ELOVL4: variants seen among roughly 807,000 people sequenced by gnomAD.
The protein encoded by ELOVL4 is ELOVL fatty acid elongase 4, also known as very long chain fatty acid elongase 4.
In ELOVL4, 18 loss-of-function variants were observed where a neutral mutation model predicts 42.1. That is an observed-to-expected ratio of 0.43 (90% CI 0.30 to 0.63). The LOEUF is 0.63. Among genes scored for constraint, ELOVL4 ranks in the 30% least tolerant of loss-of-function variants. ELOVL4 has a pLI of 0.15. For synonymous variants in ELOVL4, 117 were observed against 127.0 expected, an observed-to-expected ratio of 0.92 and a Z score of 0.53; for missense variants, 299 against 376.2, an observed-to-expected ratio of 0.79 and a Z score of 1.70.
Position 79,914,819 on chromosome 6 carries a change from C to A in ELOVL4, c.*1789G>T, listed in dbSNP as rs1023238959. ...ATTAACAAAAAAAAATCATATTTTT[C>A]CCACAGCAGAAGTATATTTATTGTG... is the stretch of plus-strand genomic sequence containing the variant. On this transcript the variant is annotated 3_prime_UTR_variant, in exon 6 of 6. Coordinates refer to ENST00000369816, the MANE Select transcript of ELOVL4 (RefSeq NM_022726.4). 2.0e-5 allele frequency: 3 copies of A among 152,402 alleles called. No individual in the cohort carries two copies. The highest frequency in any genetic ancestry group is 6.6e-5 in the Admixed American group (1 of 15,242). 9.4% of individuals were successfully genotyped at this position (152,402 alleles called of 1,614,324 possible). A position where few individuals can be genotyped will look rare whatever the true frequency, so the allele number is the denominator to read the frequency against.
chr6:79,922,721 T>C (rs762228472), intron 3 of ELOVL4, among the ~76,000 whole-genome samples: 5 of 152,184 alleles, frequency 3.3e-5, no homozygotes, highest in Non-Finnish European at 7.4e-5. Flanking sequence ...TGTTTTAGAG[T>C]TGAAGGATCC....
intron 5 of ELOVL4, among the ~76,000 whole-genome samples, chr6:79,917,839 A>G (rs1478847093): frequency 6.6e-6 from 1 of 152,210 alleles, no homozygotes; most frequent in Non-Finnish European, 1.5e-5. Context: ...GAAAAAAATA[A>G]TATTTGGATA....
intron 3 of ELOVL4, 50 bp downstream of exon 3, chr6:79,924,902 A>C (rs764834653): frequency 8.5e-7 from 1 of 1,172,906 alleles, no homozygotes; most frequent in Non-Finnish European, 1.3e-6. Flanking sequence ...ACTGGGGCCT[A>C]TAAAAATCAA....
chr6:79,942,630 T>C (rs547388156), intron 1 of ELOVL4, among the ~76,000 whole-genome samples: 1 of 152,350 alleles, frequency 6.6e-6, no homozygotes, highest in South Asian at 2.1e-4. Context: ...CCATCTGATA[T>C]AATTATCTGC....
intron 1 of ELOVL4, among the ~76,000 whole-genome samples, chr6:79,930,217 T>G (rs1182484761): frequency 6.6e-6 from 1 of 152,230 alleles, no homozygotes; most frequent in Non-Finnish European, 1.5e-5. Flanking sequence ...TGCCCAACAA[T>G]GCAAGGCATG....
At chr6:79,931,403 T>A (rs150951275) in intron 1 of ELOVL4, among the ~76,000 whole-genome samples, 18 of 152,346 alleles carry the variant, frequency 1.2e-4, no homozygotes, top group African/African-American at 4.1e-4. Flanking sequence ...GAGCCTCATG[T>A]AACCTAGCAG....
chr6:79,940,386 T>C (rs1044321901), intron 1 of ELOVL4, among the ~76,000 whole-genome samples: 2 of 152,240 alleles, frequency 1.3e-5, no homozygotes, highest in Non-Finnish European at 2.9e-5. Flanking sequence ...GTATTTTGAT[T>C]AGTTAAGGAA....
At chr6:79,941,942 C>G (rs1331941972) in intron 1 of ELOVL4, among the ~76,000 whole-genome samples, 2 of 152,156 alleles carry the variant, frequency 1.3e-5, no homozygotes, top group Non-Finnish European at 2.9e-5. Context: ...AGGAATGGCA[C>G]AGGAAATACG....
intron 1 of ELOVL4, among the ~76,000 whole-genome samples, chr6:79,929,742 A>C (rs542653837): frequency 6.6e-6 from 1 of 152,300 alleles, no homozygotes; most frequent in South Asian, 2.1e-4. Context: ...GGATCAAGAA[A>C]ATTTTAACTG....
In ELOVL4 at chr6:79,916,598, CCAG is replaced by C; in HGVS notation, c.*7_*9del. On this transcript the variant is annotated 3_prime_UTR_variant, in exon 6 of 6. Transcript: ENST00000369816. ...CCTCACTGTCAACAACAGTTAAGGC[CCAG>C]TTCAATTTAATCTCCTTTTGCTTTT... 3 of 1,613,310 alleles carry C rather than the reference CCAG, an allele frequency of 1.9e-6. No individual in the cohort carries two copies. The highest frequency in any genetic ancestry group is 2.5e-6 in the Non-Finnish European group (3 of 1,179,972).
At chr6:79,934,580 C>T (rs946348404) in intron 1 of ELOVL4, among the ~76,000 whole-genome samples, 1 of 152,120 alleles carries the variant, frequency 6.6e-6, no homozygotes, top group Non-Finnish European at 1.5e-5. Context: ...AGCCCCTCCC[C>T]TTAAAAGTCA....
At chr6:79,938,435 A>T (rs1774585576) in intron 1 of ELOVL4, among the ~76,000 whole-genome samples, 1 of 152,062 alleles carries the variant, frequency 6.6e-6, no homozygotes, top group Admixed American at 6.5e-5. Flanking sequence ...TATAAGTTGA[A>T]TAGCCACTGG....
rs968130882 is a variant in ELOVL4 at position 79,915,337 on chromosome 6, T to G, written c.*1271A>C. 6.6e-6 allele frequency: 1 copy of G among 152,600 alleles called. No individual in the cohort carries two copies. The highest frequency in any genetic ancestry group is 1.5e-5 in the Non-Finnish European group (1 of 67,990). The allele number at this position is 152,600 out of a possible 1,614,324, so 9.5% of individuals were successfully genotyped here. The stretch of plus-strand genomic sequence containing the variant: ...AATTGAATGTTATAGTTCTGACTAC[T>G]CTCACTTTTATTCATTTTGTGTTTT... On this transcript the variant is annotated 3_prime_UTR_variant, in exon 6 of 6. Coordinates refer to ENST00000369816, the MANE Select transcript of ELOVL4 (RefSeq NM_022726.4).
chr6:79,926,084 G>T, intron 2 of ELOVL4, 110 bp downstream of exon 2: 1 of 940,048 alleles, frequency 1.1e-6, no homozygotes. Flanking sequence ...TACTTTTAGA[G>T]TAGCTAACAG....
At position 79,916,656 on chromosome 6, in the gene ELOVL4, C is replaced by T; in HGVS notation, c.897G>A (p.Met299Ile). The part of the protein sequence containing the change: ...NGVSKSEKQL[M>I]IENGKKQKNG... ...TTTTCTGCTTTTTTCCATTTTCTAT[C>T]ATGAGTTGTTTTTCTGATTTGCTCA... The change falls in exon 6 of 6, where the codon ATG becomes ATA. Residue 299 changes from methionine to isoleucine, a missense_variant. Physicochemically the swap from Met to Ile is conservative, Grantham distance 10. Coordinates refer to ENST00000369816, the MANE Select transcript of ELOVL4 (RefSeq NM_022726.4). The T allele has an allele frequency of 3.7e-6, 6 of 1,614,126 alleles. No individual in the cohort carries two copies. Among genetic ancestry groups the T allele is most frequent in the African/African-American group, 1.3e-5 (1 of 75,034 alleles).
chr6:79,947,115 C>A (rs987941441), intron 1 of ELOVL4, 65 bp downstream of exon 1: 17 of 1,361,126 alleles, frequency 1.2e-5, no homozygotes, highest in Middle Eastern at 3.9e-4. Context: ...CCGGGAGCTG[C>A]GAGACCAGGG....
chr6:79,941,291 C>A (rs1774640829), intron 1 of ELOVL4, among the ~76,000 whole-genome samples: 1 of 152,142 alleles, frequency 6.6e-6, no homozygotes, highest in South Asian at 2.1e-4. Context: ...ACTCTCATAG[C>A]AAATCAGCAG....
Position 79,947,273 on chromosome 6 carries a change from G to A in ELOVL4, c.7C>T (p.Leu3Phe), listed in dbSNP as rs774532691. 1.9e-6 allele frequency: 3 copies of A among 1,612,118 alleles called. No homozygotes were observed. Among genetic ancestry groups the A allele is most frequent in the South Asian group, 1.1e-5 (1 of 90,912 alleles). ...ACACTACCCGGCTCCGAGTCCAGGA[G>A]CCCCATCGCGGCGATGAGCGGGCGC... MG[L>F]LDSEPGSVLN... The change falls in exon 1 of 6, where the codon CTC (leucine) becomes TTC (phenylalanine). Residue 3 changes from leucine to phenylalanine, a missense_variant. Physicochemically the swap from Leu to Phe is conservative, Grantham distance 22. Coordinates refer to ENST00000369816, the MANE Select transcript of ELOVL4 (RefSeq NM_022726.4).
chr6:79,914,874 T>A lies in ELOVL4; in HGVS notation c.*1734A>T, dbSNP rs1774130745. On this transcript the variant is annotated 3_prime_UTR_variant, in exon 6 of 6. Transcript: ENST00000369816. ...AATCAGGTAGCAGGGAATGAATAGC[T>A]CTTGGGAACCAGTACAGAATGTTCA... 1 of 152,536 alleles carries A rather than the reference T, an allele frequency of 6.6e-6. No individual in the cohort carries two copies. Among genetic ancestry groups the A allele is most frequent in the African/African-American group, 2.4e-5 (1 of 41,434 alleles). 9.4% of individuals were successfully genotyped at this position (152,536 alleles called of 1,614,324 possible).
Sources: allele counts gnomAD v4.1 joint callset (sites outside exome capture counted in the v4.1 genomes callset), GRCh38; gene constraint gnomAD v4.1.1; transcripts MANE v1.5; gene names NCBI Gene and HGNC (gene_info 2026-07-23, HGNC 2026-07-21).